ZMYM2: variants seen among roughly 807,000 people sequenced by gnomAD.
ZMYM2 encodes zinc finger MYM-type protein 2.
In ZMYM2, 56 loss-of-function variants were observed where a neutral mutation model predicts 162.8. The observed-to-expected ratio is 0.34, with a 90% CI of 0.28 to 0.43. ZMYM2 has a LOEUF of 0.43. Ranked by LOEUF, ZMYM2 falls within the 20% of genes least tolerant of loss-of-function variation. The probability of loss-of-function intolerance (pLI) is 1.00; values close to 1 mark genes in which losing one functional copy is unlikely to be tolerated. For missense variants in ZMYM2, 1,275 were observed against 1,621.8 expected (o/e 0.79, Z 3.67); for synonymous variants, 510 against 541.6 (o/e 0.94, Z 0.81).
At chr13:19,913,917 C>T in the ZMYM2 span, among the ~76,000 whole-genome samples, 82 of 152,162 alleles carry the variant, frequency 5.4e-4, no homozygotes, top group Admixed American at 3.7e-3. Context: ...ATGCAGACAC[C>T]GCCTGGAAGT....
At chr13:19,896,775 G>GA in the ZMYM2 span, among the ~76,000 whole-genome samples, 1,170 of 139,086 alleles carry the variant, frequency 8.4e-3, 41 homozygotes, top group African/African-American at 0.03. Flanking sequence ...AAAAAAAAAA[G>GA]AAAAAAAAAG....
At chr13:20,063,917 T>TA (rs1374794075) in intron 18 of ZMYM2, among the ~76,000 whole-genome samples, 2 of 11,362 alleles carry the variant, frequency 1.8e-4, no homozygotes, top group African/African-American at 2.6e-4. Context: ...ATAATATATA[T>TA]TTTATATATA....
the ZMYM2 span, among the ~76,000 whole-genome samples, chr13:19,877,467 G>C: frequency 1.3e-5 from 2 of 152,316 alleles, no homozygotes; most frequent in East Asian, 1.9e-4. Flanking sequence ...TCCTGTGAGA[G>C]TAAGAACCTG....
chr13:19,971,262 A>ATATATATATAT (rs1329532735), intron 2 of ZMYM2, among the ~76,000 whole-genome samples: 1 of 78,330 alleles, frequency 1.3e-5, no homozygotes, highest in African/African-American at 4.6e-5. Context: ...ATATATATAT[A>ATATATATATAT]TTTTTTTTTT....
the ZMYM2 span, among the ~76,000 whole-genome samples, chr13:19,937,516 T>G: frequency 5.2e-4 from 77 of 148,776 alleles, 1 homozygote; most frequent in Non-Finnish European, 5.0e-4. Flanking sequence ...CAAGCTTGAG[T>G]GCAGTGGCGT....
the ZMYM2 span, among the ~76,000 whole-genome samples, chr13:19,880,685 T>A: frequency 3.4e-4 from 52 of 152,266 alleles, 1 homozygote; most frequent in East Asian, 9.3e-3. Flanking sequence ...CGCCTTGGAC[T>A]CCCAAAGTCC....
At chr13:19,911,306 G>A in the ZMYM2 span, among the ~76,000 whole-genome samples, 2 of 151,936 alleles carry the variant, frequency 1.3e-5, no homozygotes, top group African/African-American at 4.8e-5. Flanking sequence ...TGATCCACTG[G>A]CCTCAGCCTC....
Position 20,005,828 on chromosome 13 carries a change from T to G in ZMYM2, c.1300-546T>G, listed in dbSNP as rs1950697937. On this transcript the variant is annotated intron_variant, in intron 5 of 24. Transcript: ENST00000610343. The stretch of plus-strand genomic sequence containing the variant: ...ACCACTACCCAAACTTGGTTTTCTG[T>G]CATCTTCTGATACCTCTAGAGAAGT... Among the ~76,000 whole-genome samples the G allele has an allele frequency of 2.0e-5, 3 of 152,234 alleles. No individual in the cohort carries two copies. In the South Asian group the frequency reaches 6.2e-4, roughly 31 times the overall value.
intron 2 of ZMYM2, among the ~76,000 whole-genome samples, chr13:19,963,092 A>G (rs142995396): frequency 6.6e-6 from 1 of 150,878 alleles, no homozygotes; most frequent in East Asian, 2.0e-4. Context: ...GCCCGCCTCA[A>G]CCTTCCAGAG....
chr13:19,911,044 C>CTTTTTT, the ZMYM2 span, among the ~76,000 whole-genome samples: 2 of 89,286 alleles, frequency 2.2e-5, no homozygotes, highest in African/African-American at 3.5e-5. Context: ...AGTTCCCAGT[C>CTTTTTT]TTTTTTTTTT....
chr13:20,081,028 T>G (rs1957875005), intron 21 of ZMYM2, among the ~76,000 whole-genome samples: 1 of 152,220 alleles, frequency 6.6e-6, no homozygotes, highest in Non-Finnish European at 1.5e-5. Context: ...TAACCTTGGC[T>G]TAGTGTAATA....
chr13:19,935,534 T>A, the ZMYM2 span, among the ~76,000 whole-genome samples: 4 of 152,238 alleles, frequency 2.6e-5, no homozygotes, highest in Non-Finnish European at 2.9e-5. Flanking sequence ...CGTTCCAATT[T>A]TTCCACATAC....
chr13:20,083,902 C>T, intron 24 of ZMYM2, 126 bp downstream of exon 24: 1 of 938,234 alleles, frequency 1.1e-6, no homozygotes, highest in Admixed American at 2.7e-5. Flanking sequence ...TCAGTTATAC[C>T]CAAGTTCATT....
chr13:19,964,108 G>A (rs1955523349), intron 2 of ZMYM2, among the ~76,000 whole-genome samples: 1 of 152,224 alleles, frequency 6.6e-6, no homozygotes, highest in South Asian at 2.1e-4. Flanking sequence ...GCCGGGCTCA[G>A]TGGCTCACGC....
chr13:20,004,271 T>C (rs78894686), intron 4 of ZMYM2, among the ~76,000 whole-genome samples: 1 of 151,890 alleles, frequency 6.6e-6, no homozygotes, highest in East Asian at 1.9e-4. Context: ...TTGTTTTTTT[T>C]TGAGACGGAT....
the ZMYM2 span, among the ~76,000 whole-genome samples, chr13:19,928,383 G>T: frequency 1.3e-5 from 2 of 152,224 alleles, no homozygotes; most frequent in African/African-American, 4.8e-5. Context: ...TCTTCCATCA[G>T]ATTGTGATTT....
At chr13:20,058,800 C>A in intron 15 of ZMYM2, 96 bp downstream of exon 15, 1 of 1,492,934 alleles carries the variant, frequency 6.7e-7, no homozygotes, top group Non-Finnish European at 9.3e-7. Flanking sequence ...AGGATAGATT[C>A]ATTTGGTCAA....
chr13:19,912,848 G>A, the ZMYM2 span, among the ~76,000 whole-genome samples: 3 of 152,282 alleles, frequency 2.0e-5, no homozygotes, highest in East Asian at 5.8e-4. Flanking sequence ...TGGGGTATGT[G>A]GAGATATCTC....
At chr13:20,063,783 A>AAT (rs1031521238) in intron 18 of ZMYM2, among the ~76,000 whole-genome samples, 11 of 147,540 alleles carry the variant, frequency 7.5e-5, no homozygotes, top group African/African-American at 9.8e-5. Context: ...TGTCTCAAAA[A>AAT]ATATATATAT....
Sources: gnomAD v4.1 joint callset for allele counts (sites outside exome capture counted in the v4.1 genomes callset) on GRCh38, gnomAD v4.1.1 for gene constraint, MANE v1.5 for transcripts, NCBI Gene and HGNC (gene_info 2026-07-23, HGNC 2026-07-21) for gene names.